Variants in CDC37 observed in about 807,000 individuals in gnomAD.
CDC37 encodes cell division cycle 37, HSP90 cochaperone.
A neutral mutation model predicts 46.9 loss-of-function variants in CDC37; 9 were observed. That is an observed-to-expected ratio of 0.19 (90% CI 0.12 to 0.33). The LOEUF (loss-of-function observed/expected upper bound fraction) is 0.33, where lower values mean the gene tolerates loss of function less well. Ranked by LOEUF, CDC37 falls within the 10% of genes least tolerant of loss-of-function variation. The pLI, the probability that CDC37 is intolerant of heterozygous loss-of-function variation, is 1.00. For synonymous variants in CDC37, 193 were observed against 191.0 expected, an observed-to-expected ratio of 1.01 and a Z score of -0.09; for missense variants, 388 against 514.6, an observed-to-expected ratio of 0.75 and a Z score of 2.38.
In CDC37 at chr19:10,391,448, C is replaced by T. The variant is rs1037178111; in HGVS notation, c.*103G>A. 12 of 1,443,810 alleles carry T rather than the reference C, an allele frequency of 8.3e-6. No homozygotes were observed. The highest frequency in any genetic ancestry group is 4.6e-5 in the South Asian group (4 of 87,196). 89.4% of individuals were successfully genotyped at this position (1,443,810 alleles called of 1,614,324 possible). Reference sequence around the variant, plus strand: ...GGGCCCCCCAGGCTGGGCCGAGCAGCGCAAGTAGAGGAAGTCAGGAGCGGG... The same window carrying T: ...GGGCCCCCCAGGCTGGGCCGAGCAGTGCAAGTAGAGGAAGTCAGGAGCGGG... On this transcript the variant is annotated 3_prime_UTR_variant, in exon 8 of 8. Coordinates refer to ENST00000222005, the MANE Select transcript of CDC37 (RefSeq NM_007065.4).
At chr19:10,401,893 G>A (rs375712875) in intron 1 of CDC37, among the ~76,000 whole-genome samples, 1 of 152,082 alleles carries the variant, frequency 6.6e-6, no homozygotes, top group South Asian at 2.1e-4. Flanking sequence ...GGTGGCTCAC[G>A]CCTGTAATCC....
chr19:10,402,638 T>C (rs1234332393), intron 1 of CDC37, among the ~76,000 whole-genome samples: 4 of 151,978 alleles, frequency 2.6e-5, no homozygotes, highest in Non-Finnish European at 5.9e-5. Context: ...TAATGGGAAA[T>C]GGGTCTACCG....
chr19:10,397,503 C>T (rs190845685), intron 1 of CDC37, among the ~76,000 whole-genome samples: 4 of 151,300 alleles, frequency 2.6e-5, no homozygotes, highest in African/African-American at 4.9e-5. Flanking sequence ...CTCTGCCTCC[C>T]GTGTTCAAGC....
In CDC37 at chr19:10,391,446, A is replaced by C; in HGVS notation, c.*105T>G. On this transcript the variant is annotated 3_prime_UTR_variant, in exon 8 of 8. Coordinates refer to ENST00000222005, the MANE Select transcript of CDC37 (RefSeq NM_007065.4). Reference sequence around the variant, plus strand: ...GCGGGCCCCCCAGGCTGGGCCGAGCAGCGCAAGTAGAGGAAGTCAGGAGCG... The same window carrying C: ...GCGGGCCCCCCAGGCTGGGCCGAGCCGCGCAAGTAGAGGAAGTCAGGAGCG... 3.6e-6 allele frequency: 5 copies of C among 1,373,044 alleles called. No individual in the cohort carries two copies. Among genetic ancestry groups the C allele is most frequent in the Non-Finnish European group, 5.2e-6 (5 of 965,982 alleles). The allele number at this position is 1,373,044 out of a possible 1,614,324, so 85.1% of individuals were successfully genotyped here. A position where few individuals can be genotyped will look rare whatever the true frequency, so the allele number is the denominator to read the frequency against.
chr19:10,393,169 GA>G lies in CDC37; in HGVS notation c.910-13del. On this transcript the variant is annotated splice_polypyrimidine_tract_variant and intron_variant, in intron 6 of 7. Coordinates refer to ENST00000222005, the MANE Select transcript of CDC37 (RefSeq NM_007065.4). This position sits in a 1 kb window ranked among gnomAD's most constrained non-coding sequence, Gnocchi z 4.9. ...CACTTCTGGAGTTCCTGGGGGTACA[GA>G]GGGGCTGGGGTCAGGGGCTGGGTCC... is the stretch of plus-strand genomic sequence containing the variant. The G allele has an allele frequency of 3.7e-6, 6 of 1,613,804 alleles. No individual in the cohort carries two copies. Among genetic ancestry groups the G allele is most frequent in the Non-Finnish European group, 3.4e-6 (4 of 1,179,762 alleles).
In CDC37 at chr19:10,393,011, T is replaced by C. The variant is rs769713458; in HGVS notation, c.981+75A>G. 7.2e-7 allele frequency: 1 copy of C among 1,389,596 alleles called. No individual in the cohort carries two copies. The highest frequency in any genetic ancestry group is 1.0e-6 in the Non-Finnish European group (1 of 976,788). 86.1% of individuals were successfully genotyped at this position (1,389,596 alleles called of 1,614,324 possible). A position where few individuals can be genotyped will look rare whatever the true frequency, so the allele number is the denominator to read the frequency against. The stretch of plus-strand genomic sequence containing the variant: ...TGGAGGGGCACTTTCACCAGCCGGC[T>C]TCAGAGACTTGGGACACAGGGCTGG... On this transcript the variant is annotated intron_variant, in intron 7 of 7. Coordinates refer to ENST00000222005, the MANE Select transcript of CDC37 (RefSeq NM_007065.4). This position sits in a 1 kb window ranked among gnomAD's most constrained non-coding sequence, Gnocchi z 4.9.
In CDC37 at chr19:10,395,528, T is replaced by G. The variant is rs1568354611; in HGVS notation, c.394A>C (p.Lys132Gln). The change falls in exon 3 of 8, where the codon AAG becomes CAG. Residue 132 changes from lysine (K) to glutamine (Q), a missense_variant. This residue lies in a region of CDC37 where 374 missense variants were observed against 467.4 expected (regional missense o/e 0.80). Transcript: ENST00000222005. ...DGFSKSMVNTKPEKTEEDSEE... is the reference protein window; with the variant it reads ...DGFSKSMVNTQPEKTEEDSEE... ...GAGTCCTCCTCCGTCTTCTCGGGCT[T>G]GGTATTTACCATGCTCTGTGGTAGG... 3 of 1,613,814 alleles carry G rather than the reference T, an allele frequency of 1.9e-6. No individual in the cohort carries two copies. The highest frequency in any genetic ancestry group is 2.5e-6 in the Non-Finnish European group (3 of 1,179,752).
In CDC37 at chr19:10,395,472, G is replaced by A. The variant is rs767778842; in HGVS notation, c.450C>T (p.Thr150=). ...TCTGTTTCTCGTATTTTTCCACGAA[G>A]GTCTTGTGTTTCTGCTCCCTCACCT... The part of the protein sequence containing the change: ...SEEVREQKHK[T]FVEKYEKQIK... Residue 150 remains threonine, a synonymous_variant, in exon 3 of 8, where the codon ACC becomes ACT. Transcript: ENST00000222005. 3.7e-6 allele frequency: 6 copies of A among 1,614,180 alleles called. No homozygotes were observed. The highest frequency in any genetic ancestry group is 4.2e-6 in the Non-Finnish European group (5 of 1,179,974).
chr19:10,397,091 TAAC>T (rs990117235), intron 1 of CDC37, among the ~76,000 whole-genome samples: 3 of 152,138 alleles, frequency 2.0e-5, no homozygotes, highest in Non-Finnish European at 4.4e-5. Flanking sequence ...CAGCAACCAC[TAAC>T]ATCATATGAC....
In CDC37 at chr19:10,393,574, G is replaced by C; in HGVS notation, c.727-133C>G. On this transcript the variant is annotated intron_variant, in intron 5 of 7. Coordinates refer to ENST00000222005, the MANE Select transcript of CDC37 (RefSeq NM_007065.4). This position sits in a 1 kb window ranked among gnomAD's most constrained non-coding sequence, Gnocchi z 4.9. ...AAGTCTATTCCTGACCTACATGAAGGGCTCCCCAAGGCCTGGGCTCCCCCG... is the reference window on the plus strand; with the variant it reads ...AAGTCTATTCCTGACCTACATGAAGCGCTCCCCAAGGCCTGGGCTCCCCCG... 5 of 911,014 alleles carry C rather than the reference G, an allele frequency of 5.5e-6. No homozygotes were observed. The highest frequency in any genetic ancestry group is 8.0e-6 in the Non-Finnish European group (5 of 624,878). The allele number at this position is 911,014 out of a possible 1,614,324, so 56.4% of individuals were successfully genotyped here.
At chr19:10,402,182 A>AG (rs1433162962) in intron 1 of CDC37, among the ~76,000 whole-genome samples, 1 of 146,124 alleles carries the variant, frequency 6.8e-6, no homozygotes, top group Non-Finnish European at 1.5e-5. Flanking sequence ...AAAAAAAAAA[A>AG]GGAATACAAC....
At position 10,396,615 on chromosome 19, in the gene CDC37, G is replaced by A. The variant is rs575736807; in HGVS notation, c.103-412C>T. Among the ~76,000 whole-genome samples, 9 of 152,212 alleles carry A rather than the reference G, an allele frequency of 5.9e-5. No homozygotes were observed. In the South Asian group the frequency reaches 1.5e-3, roughly 25 times the overall value. On this transcript the variant is annotated intron_variant, in intron 1 of 7. Coordinates refer to ENST00000222005, the MANE Select transcript of CDC37 (RefSeq NM_007065.4). The surrounding 1 kb of genome is among the most constrained non-coding windows in gnomAD (Gnocchi z 5.9). ...AACAGGGTCTCACTCTGTCGTCCAG[G>A]TCAGAGTGCAGTGGCCCAATGATGA...
intron 1 of CDC37, among the ~76,000 whole-genome samples, chr19:10,401,362 A>C (rs1194436080): frequency 6.6e-6 from 1 of 152,076 alleles, no homozygotes; most frequent in Non-Finnish European, 1.5e-5. Context: ...TGCCACTACA[A>C]CCACCGGGGT....
In CDC37 at chr19:10,391,369, A is replaced by G. The variant is rs2042455242; in HGVS notation, c.*182T>C. On this transcript the variant is annotated 3_prime_UTR_variant, in exon 8 of 8. Transcript: ENST00000222005. Reference sequence around the variant, plus strand: ...TGAAGCCCCTTGACTCAAAGCAGAGACTTGAATGGGCGCTGGAGAGTGGAG... The same window carrying G: ...TGAAGCCCCTTGACTCAAAGCAGAGGCTTGAATGGGCGCTGGAGAGTGGAG... 8.6e-6 allele frequency: 6 copies of G among 701,566 alleles called. No homozygotes were observed. In the Admixed American group the frequency reaches 1.0e-4, roughly 12 times the overall value. The allele number at this position is 701,566 out of a possible 1,614,324, so 43.5% of individuals were successfully genotyped here.
chr19:10,399,858 G>A (rs1389657352), intron 1 of CDC37, among the ~76,000 whole-genome samples: 1 of 149,220 alleles, frequency 6.7e-6, no homozygotes, highest in Non-Finnish European at 1.5e-5. Context: ...CTTGAACCTG[G>A]GAGGTGGAGG....
chr19:10,400,161 C>T (rs1287975632), intron 1 of CDC37, among the ~76,000 whole-genome samples: 15 of 152,042 alleles, frequency 9.9e-5, no homozygotes, highest in African/African-American at 3.1e-4. Context: ...CACCTCCTAT[C>T]GGGGAGGGGC....
At chr19:10,395,904 G>GGGGGGCC in intron 2 of CDC37, 24 bp downstream of exon 2, 7 of 1,541,892 alleles carry the variant, frequency 4.5e-6, no homozygotes, top group Non-Finnish European at 6.2e-6. Flanking sequence ...CATGCGCACT[G>GGGGGGCC]CCCGCCCCGC....
intron 1 of CDC37, among the ~76,000 whole-genome samples, chr19:10,399,599 T>A (rs1232856842): frequency 1.3e-5 from 2 of 150,978 alleles, no homozygotes; most frequent in South Asian, 4.2e-4. Flanking sequence ...CTCAGGAATT[T>A]GAGACCAGCC....
chr19:10,402,817 A>G (rs2042526906), intron 1 of CDC37, among the ~76,000 whole-genome samples: 1 of 152,128 alleles, frequency 6.6e-6, no homozygotes, highest in South Asian at 2.1e-4. Flanking sequence ...AGGGACAGGA[A>G]TATCAGAGTA....
Sources: allele counts gnomAD v4.1 joint callset (sites outside exome capture counted in the v4.1 genomes callset), GRCh38; gene constraint gnomAD v4.1.1; regional missense constraint gnomAD v4.1.1; non-coding constraint Gnocchi (gnomAD v3.1); transcripts MANE v1.5; gene names NCBI Gene and HGNC (gene_info 2026-07-23, HGNC 2026-07-21).